PCSK5: variants seen among roughly 807,000 people sequenced by gnomAD.
PCSK5 encodes prohormone convertase 5.
A neutral mutation model predicts 233.2 loss-of-function variants in PCSK5; 129 were observed. The observed-to-expected ratio is 0.55, with a 90% CI of 0.48 to 0.64. The LOEUF is 0.64. PCSK5 is among the 30% of genes least tolerant of loss of function. The probability of loss-of-function intolerance (pLI) is 0.00; values close to 1 mark genes in which losing one functional copy is unlikely to be tolerated. For synonymous variants in PCSK5, 825 were observed against 879.2 expected, an observed-to-expected ratio of 0.94 and a Z score of 1.09; for missense variants, 2,076 against 2,430.1, an observed-to-expected ratio of 0.85 and a Z score of 3.06.
chr9:76,239,514 G>A (rs1031784700), intron 23 of PCSK5, among the ~76,000 whole-genome samples: 8 of 151,888 alleles, frequency 5.3e-5, no homozygotes, highest in African/African-American at 1.7e-4. Context: ...GGGGGAACAC[G>A]GTGAAACTCT....
At chr9:76,097,975 A>C (rs943920157) in intron 8 of PCSK5, among the ~76,000 whole-genome samples, 5 of 152,190 alleles carry the variant, frequency 3.3e-5, no homozygotes, top group African/African-American at 1.2e-4. Context: ...TGGCTCTAAC[A>C]GATCTACGCA....
chr9:76,190,886 G>T (rs925480720), intron 20 of PCSK5, among the ~76,000 whole-genome samples: 31 of 152,268 alleles, frequency 2.0e-4, no homozygotes, highest in African/African-American at 7.2e-4. Context: ...CATGATCATA[G>T]GTTTAACTTC....
In PCSK5 at chr9:76,323,047, C is replaced by T. The variant is rs772220583; in HGVS notation, c.4103-5C>T. On this transcript the variant is annotated splice_polypyrimidine_tract_variant and splice_region_variant and intron_variant, in intron 31 of 37. Coordinates refer to ENST00000674117, the MANE Select transcript of PCSK5 (RefSeq NM_001372043.1). Reference sequence around the variant, plus strand: ...GGATAACTTGCTGCTTCCTCCTTTTCCCAGAGTGCACGCCTGAGTTCTTCC... The same window carrying T: ...GGATAACTTGCTGCTTCCTCCTTTTTCCAGAGTGCACGCCTGAGTTCTTCC... 2.6e-6 allele frequency: 4 copies of T among 1,547,552 alleles called. No individual in the cohort carries two copies. Among genetic ancestry groups the T allele is most frequent in the Non-Finnish European group, 3.5e-6 (4 of 1,131,238 alleles).
At chr9:76,029,415 G>A (rs1464735788) in intron 5 of PCSK5, among the ~76,000 whole-genome samples, 1 of 152,100 alleles carries the variant, frequency 6.6e-6, no homozygotes, top group Non-Finnish European at 1.5e-5. Context: ...AACAACAGGT[G>A]TACTGTAGTT....
chr9:75,985,623 G>T (rs1826477813), intron 2 of PCSK5, among the ~76,000 whole-genome samples: 1 of 152,080 alleles, frequency 6.6e-6, no homozygotes, highest in African/African-American at 2.4e-5. Flanking sequence ...AATCCAGCCT[G>T]GTTTTGTATA....
rs137891248 is a variant in PCSK5 at position 76,047,198 on chromosome 9, G to A, written c.632+20161G>A. 9.2e-3 allele frequency among the ~76,000 whole-genome samples: 1,390 copies of A among 151,554 alleles called. 24 individuals are homozygous for A. Among genetic ancestry groups the A allele is most frequent in the African/African-American group, 0.029 (1,217 of 41,294 alleles). ...TGCAAGCTCCGCCTCCTGGGTTCAC[G>A]CCATTCTCCTGCCTCAGCCTCCCGA... is the stretch of plus-strand genomic sequence containing the variant. On this transcript the variant is annotated intron_variant, in intron 5 of 37. Coordinates refer to ENST00000674117, the MANE Select transcript of PCSK5 (RefSeq NM_001372043.1).
At chr9:75,975,473 C>T (rs1209462822) in intron 2 of PCSK5, among the ~76,000 whole-genome samples, 5 of 152,178 alleles carry the variant, frequency 3.3e-5, no homozygotes, top group East Asian at 1.9e-4. Context: ...ATAATGAGAA[C>T]GCCCTTTCCT....
chr9:76,052,335 A>G (rs534919128), intron 5 of PCSK5, among the ~76,000 whole-genome samples: 5 of 152,352 alleles, frequency 3.3e-5, no homozygotes, highest in African/African-American at 1.2e-4. Context: ...AAGACTGGGT[A>G]ATTTATAAAG....
intron 10 of PCSK5, 42 bp downstream of exon 10, chr9:76,134,254 T>A (rs563734401): frequency 8.1e-7 from 1 of 1,240,688 alleles, no homozygotes; most frequent in Non-Finnish European, 1.2e-6. Flanking sequence ...AAAATATTTT[T>A]ATTTTTCCCC....
Position 76,181,427 on chromosome 9 carries a change from A to C in PCSK5, c.2033A>C (p.His678Pro). ...TGTGTCTCCAGCTGCCCCCCTGGCC[A>C]CTACCACGCCGACAAGAAGCGCTGC... Reference protein sequence around the residue: ...RICVSSCPPGHYHADKKRCRK... With the variant: ...RICVSSCPPGPYHADKKRCRK... The change falls in exon 16 of 38, where the codon CAC (histidine) becomes CCC (proline). Residue 678 changes from histidine to proline, a missense_variant. By Grantham distance (77) the His-to-Pro change is moderately conservative. Around this residue, in one of 6 missense-constraint regions of PCSK5, gnomAD observed 1,510 missense variants for 1,538.1 expected, o/e 0.98. Transcript: ENST00000674117. 6.2e-7 allele frequency: 1 copy of C among 1,613,854 alleles called. No homozygotes were observed. The highest frequency in any genetic ancestry group is 8.5e-7 in the Non-Finnish European group (1 of 1,179,854).
Position 76,189,115 on chromosome 9 carries a change from T to C in PCSK5, c.2402T>C (p.Ile801Thr). 6.2e-7 allele frequency: 1 copy of C among 1,613,408 alleles called. No individual in the cohort carries two copies. The highest frequency in any genetic ancestry group is 1.1e-5 in the South Asian group (1 of 91,026). The part of the protein sequence containing the change: ...TCAGAGADGC[I>T]NCTEGYFMED... ...TAAGGGGCAGGAGCTGATGGGTGCA[T>C]TAACTGCACAGAGGGCTACTTCATG... Residue 801 changes from isoleucine to threonine, a missense_variant, in exon 19 of 38, where the codon ATT becomes ACT. Coordinates refer to ENST00000674117, the MANE Select transcript of PCSK5 (RefSeq NM_001372043.1).
chr9:75,933,955 G>T (rs1823932109), intron 2 of PCSK5, among the ~76,000 whole-genome samples: 1 of 152,162 alleles, frequency 6.6e-6, no homozygotes, highest in African/African-American at 2.4e-5. Flanking sequence ...TAGTGGTTTG[G>T]GAAGTAAGAA....
At chr9:75,896,092 G>A (rs1364428727) in intron 1 of PCSK5, among the ~76,000 whole-genome samples, 1 of 152,128 alleles carries the variant, frequency 6.6e-6, no homozygotes, top group African/African-American at 2.4e-5. Context: ...TTTGCACAGG[G>A]CAACTCTTCA....
chr9:76,066,050 C>T (rs1469345799), intron 5 of PCSK5, among the ~76,000 whole-genome samples: 1 of 152,060 alleles, frequency 6.6e-6, no homozygotes, highest in African/African-American at 2.4e-5. Context: ...TTGGTTTCTA[C>T]ACCTTTTAGT....
intron 5 of PCSK5, among the ~76,000 whole-genome samples, chr9:76,046,407 A>G (rs981645648): frequency 6.7e-6 from 1 of 149,362 alleles, no homozygotes; most frequent in African/African-American, 2.5e-5. Flanking sequence ...CGAACTCTTG[A>G]CCTCATGATC....
intron 1 of PCSK5, among the ~76,000 whole-genome samples, chr9:75,915,028 T>G (rs763784072): frequency 2.0e-5 from 3 of 152,130 alleles, no homozygotes; most frequent in Non-Finnish European, 2.9e-5. Flanking sequence ...ATAAGGTAAA[T>G]GATTGATTGA....
intron 25 of PCSK5, 46 bp downstream of exon 25, chr9:76,292,321 A>C: frequency 8.4e-7 from 1 of 1,186,092 alleles, no homozygotes; most frequent in Non-Finnish European, 1.3e-6. Flanking sequence ...TCTGCAGTTT[A>C]AGCATTACTG....
At position 76,053,360 on chromosome 9, in the gene PCSK5, G is replaced by A. The variant is rs570466563; in HGVS notation, c.633-14595G>A. 1.2e-4 allele frequency among the ~76,000 whole-genome samples: 19 copies of A among 152,290 alleles called. No individual in the cohort carries two copies. The East Asian group carries it at 1.5e-3, about 12-fold the overall frequency. On this transcript the variant is annotated intron_variant, in intron 5 of 37. Coordinates refer to ENST00000674117, the MANE Select transcript of PCSK5 (RefSeq NM_001372043.1). ...TCCATACATCCTCTGAAATTTAGGC[G>A]GAGGTTCCCAAACATCTGGCTTATG...
chr9:76,018,344 G>A (rs1392891787), intron 3 of PCSK5, among the ~76,000 whole-genome samples: 1 of 152,204 alleles, frequency 6.6e-6, no homozygotes, highest in East Asian at 1.9e-4. Context: ...CAAGCCCCGG[G>A]CTGCGGACCA....
Sources: gnomAD v4.1 joint callset for allele counts (sites outside exome capture counted in the v4.1 genomes callset) on GRCh38, gnomAD v4.1.1 for gene constraint, gnomAD v4.1.1 regional missense constraint, MANE v1.5 for transcripts, NCBI Gene and HGNC (gene_info 2026-07-23, HGNC 2026-07-21) for gene names.